Variants in CCBE1 observed in about 807,000 individuals in gnomAD.
CCBE1 encodes collagen and calcium-binding EGF domain-containing protein 1.
A neutral mutation model predicts 50.0 loss-of-function variants in CCBE1; 37 were observed. That is an observed-to-expected ratio of 0.74 (90% confidence interval 0.57 to 0.97). The LOEUF is 0.97. CCBE1 is among the 50% of genes least tolerant of loss of function. The pLI, the probability that CCBE1 is intolerant of heterozygous loss-of-function variation, is 0.00. For synonymous variants in CCBE1, 234 were observed against 203.7 expected (o/e 1.15, Z -1.27); for missense variants, 538 against 523.8 (o/e 1.03, Z -0.26).
intron 10 of CCBE1, among the ~76,000 whole-genome samples, chr18:59,437,231 G>T (rs141056931): frequency 1.3e-5 from 2 of 152,230 alleles, no homozygotes; most frequent in East Asian, 3.8e-4. Flanking sequence ...AAACACGCAT[G>T]TTCTGGGCTT....
intron 2 of CCBE1, among the ~76,000 whole-genome samples, chr18:59,527,210 A>T (rs1245189888): frequency 6.6e-6 from 1 of 152,030 alleles, no homozygotes; most frequent in Non-Finnish European, 1.5e-5. Context: ...TATATTTAGG[A>T]TAGCTTTTCT....
At chr18:59,674,920 C>T (rs1252702561) in intron 2 of CCBE1, among the ~76,000 whole-genome samples, 2 of 152,128 alleles carry the variant, frequency 1.3e-5, no homozygotes, top group African/African-American at 4.8e-5. Flanking sequence ...AAAACCTAAA[C>T]AATTCCTGGG....
At chr18:59,678,080 G>T (rs145724726) in intron 2 of CCBE1, among the ~76,000 whole-genome samples, 3 of 152,158 alleles carry the variant, frequency 2.0e-5, no homozygotes, top group Non-Finnish European at 4.4e-5. Flanking sequence ...TGCGATGGTT[G>T]TAAGCGGGTG....
At chr18:59,449,494 C>T (rs1000569684) in intron 6 of CCBE1, among the ~76,000 whole-genome samples, 4 of 151,932 alleles carry the variant, frequency 2.6e-5, no homozygotes, top group Admixed American at 2.0e-4. Flanking sequence ...TGGTGGTGCA[C>T]GCCTGTAGTC....
intron 2 of CCBE1, among the ~76,000 whole-genome samples, chr18:59,510,753 T>C (rs953090159): frequency 1.3e-5 from 2 of 152,228 alleles, no homozygotes; most frequent in East Asian, 3.8e-4. Context: ...AAATGCTTCC[T>C]TATCACTAAA....
intron 4 of CCBE1, among the ~76,000 whole-genome samples, chr18:59,467,603 C>G (rs746885183): frequency 6.6e-6 from 1 of 152,186 alleles, no homozygotes; most frequent in Non-Finnish European, 1.5e-5. Context: ...ACATCATGGA[C>G]TTGCTCCCCT....
chr18:59,670,372 A>G (rs1395815594), intron 2 of CCBE1, among the ~76,000 whole-genome samples: 1 of 152,154 alleles, frequency 6.6e-6, no homozygotes, highest in East Asian at 1.9e-4. Context: ...GGGAGAAGGA[A>G]TAAGAAAGTG....
intron 2 of CCBE1, among the ~76,000 whole-genome samples, chr18:59,630,229 T>TG (rs2053833983): frequency 6.6e-6 from 1 of 150,918 alleles, no homozygotes; most frequent in Non-Finnish European, 1.5e-5. Flanking sequence ...AACAAACTGC[T>TG]GGCAGGAGGA....
intron 2 of CCBE1, chr18:59,666,180 A>C (rs2144698477): frequency 6.6e-6 from 1 of 152,340 alleles, no homozygotes; most frequent in Non-Finnish European, 1.5e-5. Context: ...TTGTGATAGC[A>C]AGCTCCTGTT....
In CCBE1 at chr18:59,448,040, C is replaced by T; in HGVS notation, c.718G>A (p.Ala240Thr). Residue 240 changes from alanine (A) to threonine (T), a missense_variant, in exon 7 of 11, where the codon GCC becomes ACC. Transcript: ENST00000439986. ...GGTCCTGGAAGGTAGGTGTTTGAGG[C>T]CAGCACCTTGTCACCAGTGATATAC... ...GKYITGDKVL[A>T]SNTYLPGPPG... 6.2e-7 allele frequency: 1 copy of T among 1,614,178 alleles called. No homozygotes were observed. Among genetic ancestry groups the T allele is most frequent in the South Asian group, 1.1e-5 (1 of 91,064 alleles).
chr18:59,514,618 G>GTTTTTT (rs5825344), intron 2 of CCBE1, among the ~76,000 whole-genome samples: 1 of 120,308 alleles, frequency 8.3e-6, no homozygotes, highest in Non-Finnish European at 1.6e-5. Context: ...ATGCTCTCCT[G>GTTTTTT]TTTTTTTTTT....
intron 2 of CCBE1, among the ~76,000 whole-genome samples, chr18:59,674,139 GA>G (rs2054468328): frequency 6.6e-6 from 1 of 152,104 alleles, no homozygotes; most frequent in Admixed American, 6.5e-5. Context: ...ATACCCAAAG[GA>G]TTATAAATCA....
At chr18:59,615,116 A>G (rs2053620013) in intron 2 of CCBE1, among the ~76,000 whole-genome samples, 1 of 152,126 alleles carries the variant, frequency 6.6e-6, no homozygotes, top group Non-Finnish European at 1.5e-5. Context: ...GAACTTCATC[A>G]AGTCTTGATT....
chr18:59,650,942 G>T (rs1459158234), intron 2 of CCBE1, among the ~76,000 whole-genome samples: 1 of 151,968 alleles, frequency 6.6e-6, no homozygotes, highest in Non-Finnish European at 1.5e-5. Flanking sequence ...CATCCACATA[G>T]CTTCAAGACA....
chr18:59,521,476 G>T (rs1328464316), intron 2 of CCBE1, among the ~76,000 whole-genome samples: 1 of 152,010 alleles, frequency 6.6e-6, no homozygotes. Context: ...ACTGAGCAGA[G>T]AATTCCAGAA....
intron 3 of CCBE1, among the ~76,000 whole-genome samples, chr18:59,478,426 T>C (rs1912413552): frequency 7.2e-5 from 11 of 152,222 alleles, no homozygotes; most frequent in Admixed American, 7.2e-4. Context: ...GAAACAATCA[T>C]TGACTTTTTC....
At chr18:59,503,329 C>T (rs192148733) in intron 2 of CCBE1, among the ~76,000 whole-genome samples, 9 of 151,240 alleles carry the variant, frequency 6.0e-5, no homozygotes, top group Admixed American at 5.3e-4. Context: ...ATCAACCTGC[C>T]GAGTGCTCTG....
chr18:59,455,852 T>A (rs115677068), intron 5 of CCBE1, among the ~76,000 whole-genome samples: 325 of 152,330 alleles, frequency 2.1e-3, no homozygotes, highest in African/African-American at 7.4e-3. Flanking sequence ...CAGGGAAGCA[T>A]AAACTCTCTT....
chr18:59,658,425 C>T (rs2144682681), intron 2 of CCBE1, among the ~76,000 whole-genome samples: 1 of 78,784 alleles, frequency 1.3e-5, no homozygotes, highest in East Asian at 5.0e-4. Context: ...ATAAAGTTAG[C>T]TACATGGTGG....
Sources: allele counts gnomAD v4.1 joint callset (sites outside exome capture counted in the v4.1 genomes callset), GRCh38; gene constraint gnomAD v4.1.1; transcripts MANE v1.5; gene names NCBI Gene and HGNC (gene_info 2026-07-23, HGNC 2026-07-21).